The following TTLL5 variants were observed in gnomAD, a reference collection of about 807,000 sequenced individuals.
TTLL5 encodes the protein tubulin polyglutamylase TTLL5.
Under a neutral mutation model 168.4 loss-of-function variants are expected in TTLL5, and 132 were observed. That is an observed-to-expected ratio of 0.78 (90% CI 0.68 to 0.91). The LOEUF (loss-of-function observed/expected upper bound fraction) is 0.91, where lower values mean the gene tolerates loss of function less well. Among genes scored for constraint, TTLL5 ranks in the 40% least tolerant of loss-of-function variants. The probability of loss-of-function intolerance (pLI) is 0.00; values close to 1 mark genes in which losing one functional copy is unlikely to be tolerated. For synonymous variants in TTLL5, 546 were observed against 558.6 expected (o/e 0.98, Z 0.32); for missense variants, 1,545 against 1,581.5 (o/e 0.98, Z 0.39).
intron 3 of TTLL5, among the ~76,000 whole-genome samples, chr14:75,672,539 G>A (rs1469888261): frequency 5.3e-5 from 8 of 152,106 alleles, no homozygotes; most frequent in Non-Finnish European, 7.4e-5. Flanking sequence ...CACCACGCCC[G>A]GCCTAATTGC....
chr14:75,707,469 T>C (rs1162453134), intron 8 of TTLL5, among the ~76,000 whole-genome samples, 154 bp from the exon 9 acceptor site: 1 of 152,078 alleles, frequency 6.6e-6, no homozygotes, highest in Non-Finnish European at 1.5e-5. Flanking sequence ...TAATTATTAG[T>C]TATCCTCCGA....
At chr14:75,664,538 G>A (rs1042342887) in intron 2 of TTLL5, among the ~76,000 whole-genome samples, 2 of 152,096 alleles carry the variant, frequency 1.3e-5, no homozygotes, top group Non-Finnish European at 1.5e-5. Context: ...TATTTTTACT[G>A]GTTTTAATAT....
intron 27 of TTLL5, among the ~76,000 whole-genome samples, chr14:75,804,043 G>C (rs1426740674): frequency 2.6e-5 from 4 of 152,166 alleles, no homozygotes; most frequent in Admixed American, 2.6e-4. Context: ...CAGTGTGAAC[G>C]AATGTGCTGT....
At chr14:75,899,074 A>G (rs1267207951) in intron 30 of TTLL5, among the ~76,000 whole-genome samples, 1 of 152,214 alleles carries the variant, frequency 6.6e-6, no homozygotes, top group Non-Finnish European at 1.5e-5. Context: ...CTAAGTAAAA[A>G]ATGACAATAC....
At chr14:75,894,195 A>G (rs554625096) in intron 30 of TTLL5, among the ~76,000 whole-genome samples, 5 of 152,332 alleles carry the variant, frequency 3.3e-5, no homozygotes, top group African/African-American at 1.2e-4. Context: ...TAGTGTTCAA[A>G]CCAATAGAGC....
Position 75,731,370 on chromosome 14 carries a change from T to TAC in TTLL5, c.1043-966_1043-965dup, listed in dbSNP as rs1217242558. 3.7e-3 allele frequency among the ~76,000 whole-genome samples: 289 copies of TAC among 78,632 alleles called. 2 individuals carry two copies. Among genetic ancestry groups the TAC allele is most frequent in the African/African-American group, 0.013 (269 of 20,718 alleles). 51.6% of individuals were successfully genotyped at this position (78,632 alleles called of 152,430 possible). A position where few individuals can be genotyped will look rare whatever the true frequency, so the allele number is the denominator to read the frequency against. ...ATAGATATAGCTATAAATATACACA[T>TAC]ACATACACACACACACACACACACA... On this transcript the variant is annotated intron_variant, in intron 12 of 31. Transcript: ENST00000298832.
At chr14:75,733,778 T>G (rs926866352) in intron 13 of TTLL5, among the ~76,000 whole-genome samples, 1 of 152,232 alleles carries the variant, frequency 6.6e-6, no homozygotes, top group Non-Finnish European at 1.5e-5. Context: ...GTGCTGCGTT[T>G]GCATTACAGA....
intron 15 of TTLL5, among the ~76,000 whole-genome samples, chr14:75,743,468 G>T (rs1889390066): frequency 6.6e-6 from 1 of 151,386 alleles, no homozygotes; most frequent in Admixed American, 6.6e-5. Flanking sequence ...TTTTTCTGTT[G>T]GCTTATAGGT....
At chr14:75,850,673 A>T (rs1212791027) in intron 28 of TTLL5, among the ~76,000 whole-genome samples, 1 of 152,188 alleles carries the variant, frequency 6.6e-6, no homozygotes, top group East Asian at 1.9e-4. Context: ...GGCAGGATTC[A>T]CCGTGATTTA....
intron 18 of TTLL5, among the ~76,000 whole-genome samples, chr14:75,762,996 A>G (rs1018820626): frequency 1.3e-5 from 2 of 152,150 alleles, no homozygotes; most frequent in African/African-American, 4.8e-5. Flanking sequence ...GATTGTCTCC[A>G]ATCACATTAA....
chr14:75,770,522 T>G (rs1373755717), intron 20 of TTLL5, among the ~76,000 whole-genome samples: 2 of 152,190 alleles, frequency 1.3e-5, no homozygotes, highest in Admixed American at 1.3e-4. Context: ...GGCCCTAATC[T>G]TCGCTGATAT....
chr14:75,860,787 G>A (rs114243560), intron 28 of TTLL5, among the ~76,000 whole-genome samples: 1 of 152,024 alleles, frequency 6.6e-6, no homozygotes, highest in African/African-American at 2.4e-5. Context: ...GCCAGTAGCT[G>A]TTGAGTAGTT....
chr14:75,673,492 T>C (rs1883901390), intron 3 of TTLL5, among the ~76,000 whole-genome samples: 1 of 152,190 alleles, frequency 6.6e-6, no homozygotes, highest in Non-Finnish European at 1.5e-5. Context: ...AAATCCCAGC[T>C]TTGGTATTTC....
intron 28 of TTLL5, 32 bp from the exon 29 acceptor site, chr14:75,863,635 A>G (rs1386161077): frequency 6.4e-7 from 1 of 1,559,806 alleles, no homozygotes; most frequent in Non-Finnish European, 8.7e-7. Context: ...ACAGCCACTC[A>G]CTCTAAGAAA....
At chr14:75,937,963 C>T (rs933540516) in intron 31 of TTLL5, among the ~76,000 whole-genome samples, 1 of 152,310 alleles carries the variant, frequency 6.6e-6, no homozygotes, top group Middle Eastern at 3.4e-3. Flanking sequence ...TACCATTTTA[C>T]ACCCCCACCA....
chr14:75,791,183 T>G (rs1892698403), intron 26 of TTLL5, among the ~76,000 whole-genome samples: 1 of 151,684 alleles, frequency 6.6e-6, no homozygotes, highest in Admixed American at 6.6e-5. Context: ...ACCCAACAAT[T>G]CCACTCCTGG....
At chr14:75,773,250 A>C (rs1238452927) in intron 21 of TTLL5, among the ~76,000 whole-genome samples, 1 of 152,228 alleles carries the variant, frequency 6.6e-6, no homozygotes, top group Non-Finnish European at 1.5e-5. Context: ...GCTCTTTCCA[A>C]GTGGAAAATT....
intron 31 of TTLL5, among the ~76,000 whole-genome samples, chr14:75,951,650 T>C (rs1412657809): frequency 5.9e-5 from 9 of 152,104 alleles, no homozygotes; most frequent in Admixed American, 2.6e-4. Context: ...TGGTCCCAGC[T>C]ACTCAGGAGG....
intron 3 of TTLL5, among the ~76,000 whole-genome samples, chr14:75,671,465 G>C (rs970137914): frequency 2.6e-5 from 4 of 152,114 alleles, no homozygotes; most frequent in African/African-American, 9.7e-5. Flanking sequence ...GGAGTGCATT[G>C]AATCTATAAA....
Sources: gnomAD v4.1 joint callset for allele counts (sites outside exome capture counted in the v4.1 genomes callset) on GRCh38, gnomAD v4.1.1 for gene constraint, MANE v1.5 for transcripts, NCBI Gene and HGNC (gene_info 2026-07-23, HGNC 2026-07-21) for gene names.